EYA1: variants seen among roughly 807,000 people sequenced by gnomAD.
EYA1 encodes the protein EYA transcriptional coactivator and phosphatase 1.
EYA1 carries 16 observed loss-of-function variants against 82.0 expected under a neutral mutation model. That is an observed-to-expected ratio of 0.20 (90% CI 0.13 to 0.30). The LOEUF is 0.30. Ranked by LOEUF, EYA1 falls within the 10% of genes least tolerant of loss-of-function variation. The pLI is 1.00. For missense variants in EYA1, 633 were observed against 730.7 expected, an observed-to-expected ratio of 0.87 and a Z score of 1.54; for synonymous variants, 261 against 264.4, an observed-to-expected ratio of 0.99 and a Z score of 0.12.
intron 2 of EYA1, among the ~76,000 whole-genome samples, chr8:71,376,285 G>C (rs1269554637): frequency 6.6e-6 from 1 of 152,132 alleles, no homozygotes; most frequent in African/African-American, 2.4e-5. Context: ...AAAGAAATGC[G>C]GATAAAAGTG....
chr8:71,246,749 C>T (rs1563687498), intron 11 of EYA1, among the ~76,000 whole-genome samples: 1 of 152,216 alleles, frequency 6.6e-6, no homozygotes, highest in African/African-American at 2.4e-5. Context: ...TTGTCAGAAT[C>T]GTACATGTTT....
chr8:71,367,116 A>G (rs995854547), upstream of EYA1, among the ~76,000 whole-genome samples: 1 of 152,182 alleles, frequency 6.6e-6, no homozygotes, highest in African/African-American at 2.4e-5. Context: ...TTCTCCTTAC[A>G]TATTCAAAAA....
chr8:71,421,828 C>T (rs1417083933), intron 2 of EYA1, among the ~76,000 whole-genome samples: 2 of 152,152 alleles, frequency 1.3e-5, no homozygotes, highest in Non-Finnish European at 2.9e-5. Context: ...GCAGCTGCTG[C>T]CACTGCACCT....
chr8:71,455,121 A>G (rs952661641), intron 2 of EYA1, among the ~76,000 whole-genome samples: 1 of 152,238 alleles, frequency 6.6e-6, no homozygotes, highest in Non-Finnish European at 1.5e-5. Flanking sequence ...AGAGAATACT[A>G]TAAATACCTC....
intron 11 of EYA1, among the ~76,000 whole-genome samples, chr8:71,269,245 A>G (rs1418197476): frequency 1.3e-5 from 2 of 152,214 alleles, no homozygotes; most frequent in Non-Finnish European, 2.9e-5. Flanking sequence ...CAGAGGATCA[A>G]TCTTACATAC....
At chr8:71,447,468 C>A (rs765628758) in intron 2 of EYA1, among the ~76,000 whole-genome samples, 6 of 152,170 alleles carry the variant, frequency 3.9e-5, no homozygotes, top group Non-Finnish European at 8.8e-5. Context: ...TATTCTCAAC[C>A]ATCCCTAGTT....
chr8:71,208,211 T>A (rs1206553355), intron 17 of EYA1, among the ~76,000 whole-genome samples: 1 of 151,836 alleles, frequency 6.6e-6, no homozygotes, highest in Non-Finnish European at 1.5e-5. Context: ...GGCGAGTGGA[T>A]CACTTGGGGT....
chr8:71,278,324 T>A (rs1817435476), intron 9 of EYA1, among the ~76,000 whole-genome samples: 1 of 152,222 alleles, frequency 6.6e-6, no homozygotes, highest in Non-Finnish European at 1.5e-5. Flanking sequence ...TAGCCCAAAT[T>A]ACCTATGTGG....
At chr8:71,307,737 A>G (rs1314482156) in intron 7 of EYA1, among the ~76,000 whole-genome samples, 1 of 152,198 alleles carries the variant, frequency 6.6e-6, no homozygotes, top group South Asian at 2.1e-4. Flanking sequence ...GACCCCAGAC[A>G]TGGTACAAGA....
At chr8:71,475,220 G>C (rs972512202) in intron 2 of EYA1, among the ~76,000 whole-genome samples, 1 of 152,138 alleles carries the variant, frequency 6.6e-6, no homozygotes, top group East Asian at 1.9e-4. Context: ...AAAAATCAAG[G>C]TATATAATAG....
chr8:71,469,613 T>C (rs1353584687), intron 2 of EYA1, among the ~76,000 whole-genome samples: 1 of 152,142 alleles, frequency 6.6e-6, no homozygotes, highest in African/African-American at 2.4e-5. Flanking sequence ...ATATATGTAC[T>C]ATGCAGTCAA....
rs767230310 is a variant in EYA1 at position 71,321,976 on chromosome 8, G to T, written c.273-97C>A. 2.7e-6 allele frequency: 4 copies of T among 1,503,604 alleles called. No individual in the cohort carries two copies. The East Asian group carries it at 9.1e-5, about 34-fold the overall frequency. 93.1% of individuals were successfully genotyped at this position (1,503,604 alleles called of 1,614,324 possible). ...ACATCACAAATTCCAGCTAAATATT[G>T]TATCTTAAAGTAAAACTTTCACACA... On this transcript the variant is annotated intron_variant, in intron 5 of 17. Transcript: ENST00000340726.
intron 2 of EYA1, among the ~76,000 whole-genome samples, chr8:71,521,394 T>C (rs1477804926): frequency 6.6e-6 from 1 of 152,168 alleles, no homozygotes; most frequent in African/African-American, 2.4e-5. Context: ...TTGAAAAATG[T>C]GGAACTACAT....
intron 11 of EYA1, among the ~76,000 whole-genome samples, chr8:71,259,462 C>T (rs776832428): frequency 8.5e-5 from 13 of 152,244 alleles, no homozygotes; most frequent in Middle Eastern, 3.4e-3. Context: ...AAAAGAAACA[C>T]GTAAGACTCA....
chr8:71,429,696 C>G (rs527980432), intron 2 of EYA1, among the ~76,000 whole-genome samples: 180 of 151,952 alleles, frequency 1.2e-3, no homozygotes, highest in Non-Finnish European at 1.9e-3. Flanking sequence ...GGTTATGAGC[C>G]CAGAATCTGT....
chr8:71,490,318 C>A (rs1425596437), intron 2 of EYA1, among the ~76,000 whole-genome samples: 5 of 152,228 alleles, frequency 3.3e-5, no homozygotes, highest in Admixed American at 6.5e-5. Context: ...ACCATTAAAA[C>A]TGACTGACAA....
chr8:71,365,735 T>G (rs13281937), upstream of EYA1, among the ~76,000 whole-genome samples: 67,067 of 151,996 alleles, frequency 0.44, 15,198 homozygotes, highest in Middle Eastern at 0.52. Context: ...GTTGGCATTC[T>G]GAATGGTCAC....
At chr8:71,388,093 C>T (rs1829066279) in intron 2 of EYA1, among the ~76,000 whole-genome samples, 1 of 152,152 alleles carries the variant, frequency 6.6e-6, no homozygotes, top group African/African-American at 2.4e-5. Flanking sequence ...GTCAAGAAAA[C>T]TGAGCTACCC....
intron 7 of EYA1, among the ~76,000 whole-genome samples, chr8:71,307,646 C>G (rs1454420533): frequency 1.3e-5 from 2 of 152,122 alleles, no homozygotes; most frequent in Non-Finnish European, 2.9e-5. Flanking sequence ...GACTTTAAAT[C>G]AAATAAAATT....
Sources: allele counts gnomAD v4.1 joint callset (sites outside exome capture counted in the v4.1 genomes callset), GRCh38; gene constraint gnomAD v4.1.1; transcripts MANE v1.5; gene names NCBI Gene and HGNC (gene_info 2026-07-23, HGNC 2026-07-21).